Variants in DISC1 observed in about 807,000 individuals in gnomAD.
DISC1 encodes disrupted in schizophrenia 1 protein.
In DISC1, 57 loss-of-function variants were observed where a neutral mutation model predicts 84.5. The ratio of observed to expected loss-of-function variants is 0.67; its 90% confidence interval spans 0.55 to 0.84. The LOEUF is 0.84. Ranked by LOEUF, DISC1 falls within the 40% of genes least tolerant of loss-of-function variation. DISC1 has a pLI of 0.00. For missense variants in DISC1, 1,000 were observed against 1,057.8 expected, an observed-to-expected ratio of 0.95 and a Z score of 0.76; for synonymous variants, 411 against 415.2, an observed-to-expected ratio of 0.99 and a Z score of 0.12.
Position 231,685,747 on chromosome 1 carries a change from G to A in DISC1, c.68-8079G>A, listed in dbSNP as rs146069068. Among the ~76,000 whole-genome samples, 745 of 152,196 alleles carry A rather than the reference G, an allele frequency of 4.9e-3. 4 individuals carry two copies. Among genetic ancestry groups the A allele is most frequent in the Non-Finnish European group, 7.5e-3 (508 of 68,022 alleles). On this transcript the variant is annotated intron_variant, in intron 1 of 12. Transcript: ENST00000439617. ...ATTACAGGCATAAGCCACCACACCC[G>A]GACTGGCAAAAGGCACTTCTAACCC...
At position 231,694,441 on chromosome 1, in the gene DISC1, G is replaced by T; in HGVS notation, c.683G>T (p.Gly228Val). 6.2e-7 allele frequency: 1 copy of T among 1,614,270 alleles called. No individual in the cohort carries two copies. The highest frequency in any genetic ancestry group is 1.1e-5 in the South Asian group (1 of 91,092). Residue 228 changes from glycine to valine, a missense_variant, in exon 2 of 13, where the codon GGC becomes GTC. Around this residue, in one of 3 missense-constraint regions of DISC1, gnomAD observed 311 missense variants for 400.1 expected, o/e 0.78. Transcript: ENST00000439617. ...GSAGERGEAEGCPPSREAESH... is the reference protein window; with the variant it reads ...GSAGERGEAEVCPPSREAESH... ...GCCGGGGAACGTGGAGAAGCAGAAG[G>T]CTGCCCACCATCCAGAGAGGCTGAG...
chr1:231,664,816 T>G (rs1253091324), intron 1 of DISC1, among the ~76,000 whole-genome samples: 3 of 152,136 alleles, frequency 2.0e-5, no homozygotes, highest in Non-Finnish European at 4.4e-5. Context: ...TACATGAATT[T>G]TTTTTTTAGT....
chr1:231,964,333 G>T (rs1007825318), intron 10 of DISC1, among the ~76,000 whole-genome samples: 1 of 152,164 alleles, frequency 6.6e-6, no homozygotes, highest in Admixed American at 6.5e-5. Context: ...CCATGCTGAC[G>T]TTGCAAAGCC....
intron 3 of DISC1, 68 bp from the exon 4 acceptor site, chr1:231,749,858 A>G (rs1404228856): frequency 1.9e-6 from 3 of 1,606,970 alleles, no homozygotes; most frequent in Non-Finnish European, 2.6e-6. Context: ...GAGCTAAGAG[A>G]CACCGGGGTT....
At chr1:231,656,265 A>G (rs2061056250) in intron 1 of DISC1, among the ~76,000 whole-genome samples, 1 of 152,116 alleles carries the variant, frequency 6.6e-6, no homozygotes. Flanking sequence ...TTTTGTGTAT[A>G]GTGAGAGATA....
At chr1:231,865,041 C>T (rs1195972581) in intron 9 of DISC1, among the ~76,000 whole-genome samples, 2 of 152,124 alleles carry the variant, frequency 1.3e-5, no homozygotes, top group African/African-American at 2.4e-5. Flanking sequence ...AGAATGATCA[C>T]GGAAGGACTT....
intron 9 of DISC1, among the ~76,000 whole-genome samples, chr1:231,915,665 C>G (rs1432586287): frequency 6.6e-6 from 1 of 152,152 alleles, no homozygotes; most frequent in African/African-American, 2.4e-5. Context: ...GTAATCGCAG[C>G]TACTTGGGAG....
intron 4 of DISC1, among the ~76,000 whole-genome samples, chr1:231,756,544 AGAGAGAGAGAGAGAGAG>A (rs2075150959): frequency 6.6e-6 from 1 of 151,800 alleles, no homozygotes; most frequent in South Asian, 2.1e-4. Flanking sequence ...AGAGAGAGAG[AGAGAGAGAGAGAGAGAG>A]AGACTGACTT....
chr1:231,807,267 T>G (rs905359742), intron 8 of DISC1, among the ~76,000 whole-genome samples: 8 of 152,230 alleles, frequency 5.3e-5, no homozygotes, highest in Non-Finnish European at 1.0e-4. Context: ...CACTCCCTTG[T>G]CCTGGGACGA....
chr1:231,692,327 C>G (rs908857920), intron 1 of DISC1, among the ~76,000 whole-genome samples: 4 of 152,214 alleles, frequency 2.6e-5, no homozygotes, highest in African/African-American at 9.7e-5. Flanking sequence ...AGCAATAGCC[C>G]TTTTGGAGCT....
In DISC1 at chr1:231,653,438, A is replaced by G. The variant is rs368162026; in HGVS notation, c.67+26504A>G. Among the ~76,000 whole-genome samples the G allele has an allele frequency of 2.6e-5, 4 of 152,278 alleles. No individual in the cohort carries two copies. The South Asian group carries it at 6.2e-4, about 24-fold the overall frequency. On this transcript the variant is annotated intron_variant, in intron 1 of 12. Transcript: ENST00000439617. Reference sequence around the variant, plus strand: ...TTAGCTGGCTGATAGTGGAAGAGAAAGTGAAGAAGATGTCACAGGAGGTTT... The same window carrying G: ...TTAGCTGGCTGATAGTGGAAGAGAAGGTGAAGAAGATGTCACAGGAGGTTT...
chr1:231,711,258 G>T (rs2067788114), intron 3 of DISC1, among the ~76,000 whole-genome samples: 1 of 150,808 alleles, frequency 6.6e-6, no homozygotes, highest in South Asian at 2.1e-4. Context: ...AGCCTAGTTG[G>T]AATAAAACAT....
chr1:231,833,349 G>T (rs2082384935), intron 9 of DISC1, among the ~76,000 whole-genome samples: 2 of 151,482 alleles, frequency 1.3e-5, no homozygotes, highest in Non-Finnish European at 2.9e-5. Context: ...AGGTAATGTG[G>T]AGTGGGTAGC....
intron 11 of DISC1, among the ~76,000 whole-genome samples, chr1:232,025,722 A>C (rs866313984): frequency 1.3e-5 from 2 of 150,898 alleles, no homozygotes; most frequent in African/African-American, 4.9e-5. Flanking sequence ...TCAGCCTCCC[A>C]AGTAGCTGGG....
chr1:231,723,173 C>T, intron 3 of DISC1: 1 of 853,604 alleles, frequency 1.2e-6, no homozygotes, highest in Non-Finnish European at 1.4e-6. Flanking sequence ...GCAGGTTTTA[C>T]ACTTGGCGAA....
At chr1:231,841,860 GAC>G (rs1341389205) in intron 9 of DISC1, among the ~76,000 whole-genome samples, 4 of 152,116 alleles carry the variant, frequency 2.6e-5, no homozygotes, top group Non-Finnish European at 5.9e-5. Context: ...TAATTCCTTA[GAC>G]ACACACACAA....
intron 3 of DISC1, among the ~76,000 whole-genome samples, chr1:231,709,662 C>G (rs1407252085): frequency 6.6e-6 from 1 of 152,052 alleles, no homozygotes; most frequent in Non-Finnish European, 1.5e-5. Flanking sequence ...TACAAAACAC[C>G]AAGCCAAGCC....
At chr1:231,632,101 A>G (rs1271220997) in intron 1 of DISC1, among the ~76,000 whole-genome samples, 1 of 152,240 alleles carries the variant, frequency 6.6e-6, no homozygotes, top group Non-Finnish European at 1.5e-5. Flanking sequence ...GTACAGTAAC[A>G]TGCTGCACAG....
chr1:231,909,555 C>T (rs901851913), intron 9 of DISC1, among the ~76,000 whole-genome samples: 1 of 152,180 alleles, frequency 6.6e-6, no homozygotes, highest in African/African-American at 2.4e-5. Context: ...TTTTGATGTG[C>T]TGCTGGATTC....
Sources: allele counts gnomAD v4.1 joint callset (sites outside exome capture counted in the v4.1 genomes callset), GRCh38; gene constraint gnomAD v4.1.1; regional missense constraint gnomAD v4.1.1; transcripts MANE v1.5; gene names NCBI Gene and HGNC (gene_info 2026-07-23, HGNC 2026-07-21).